Variants in CSMD3 observed in about 807,000 individuals in gnomAD.
CSMD3 encodes the protein CUB and Sushi multiple domains 3.
Under a neutral mutation model 435.2 loss-of-function variants are expected in CSMD3, and 177 were observed. The ratio of observed to expected loss-of-function variants is 0.41; its 90% CI spans 0.36 to 0.46. CSMD3 has a LOEUF of 0.46. CSMD3 is among the 20% of genes least tolerant of loss of function. The pLI, the probability that CSMD3 is intolerant of heterozygous loss-of-function variation, is 0.34. For missense variants in CSMD3, 4,265 were observed against 4,504.6 expected (o/e 0.95, Z 1.52); for synonymous variants, 1,656 against 1,520.5 (o/e 1.09, Z -2.07).
chr8:112,255,515 T>C, intron 61 of CSMD3, 88 bp from the exon 62 acceptor site: 1 of 1,138,006 alleles, frequency 8.8e-7, no homozygotes, highest in South Asian at 1.3e-5. Flanking sequence ...TCAATTTGAA[T>C]ATTGTACTAA....
At chr8:113,238,636 G>T (rs1202270439) in intron 3 of CSMD3, among the ~76,000 whole-genome samples, 1 of 152,132 alleles carries the variant, frequency 6.6e-6, no homozygotes, top group Admixed American at 6.5e-5. Flanking sequence ...GGATTCAAAA[G>T]TCTAAAGGAC....
intron 4 of CSMD3, among the ~76,000 whole-genome samples, chr8:113,131,312 G>T (rs554814271): frequency 6.6e-6 from 1 of 152,192 alleles, no homozygotes; most frequent in East Asian, 1.9e-4. Flanking sequence ...AAGAAGCCAA[G>T]GAGGAAAAAA....
chr8:113,157,037 C>A (rs201263494), intron 4 of CSMD3, among the ~76,000 whole-genome samples: 4 of 151,194 alleles, frequency 2.6e-5, no homozygotes, highest in South Asian at 4.2e-4. Flanking sequence ...CATTAGTTTA[C>A]TAACAAAAAT....
At chr8:112,644,817 T>C (rs575652920) in intron 20 of CSMD3, among the ~76,000 whole-genome samples, 123 of 152,204 alleles carry the variant, frequency 8.1e-4, no homozygotes, top group African/African-American at 2.9e-3. Flanking sequence ...ACTAAAGCCC[T>C]CTTGTTTGAG....
intron 70 of CSMD3, among the ~76,000 whole-genome samples, chr8:112,227,629 ATTATTCT>A (rs1812693334): frequency 6.6e-6 from 1 of 152,174 alleles, no homozygotes; most frequent in South Asian, 2.1e-4. Context: ...TTTAGTGATG[ATTATTCT>A]TTATCTATTA....
intron 28 of CSMD3, among the ~76,000 whole-genome samples, chr8:112,508,203 T>G (rs1822733152): frequency 6.6e-6 from 1 of 152,190 alleles, no homozygotes; most frequent in Admixed American, 6.5e-5. Context: ...CTCAGGTTTC[T>G]TTCATCTTAA....
intron 2 of CSMD3, among the ~76,000 whole-genome samples, chr8:113,297,237 T>G (rs890701444): frequency 1.3e-5 from 2 of 152,154 alleles, no homozygotes; most frequent in East Asian, 1.9e-4. Context: ...TCTCAATACC[T>G]ATCATAAAAC....
chr8:112,895,826 C>A (rs2081934765), intron 10 of CSMD3, among the ~76,000 whole-genome samples: 1 of 151,198 alleles, frequency 6.6e-6, no homozygotes, highest in Non-Finnish European at 1.5e-5. Flanking sequence ...TTTTAGGAGT[C>A]AATAGTTTGC....
intron 1 of CSMD3, among the ~76,000 whole-genome samples, chr8:113,406,702 G>T (rs1045646859): frequency 5.3e-5 from 8 of 151,940 alleles, no homozygotes; most frequent in African/African-American, 1.9e-4. Context: ...AATCTATGGG[G>T]AGAGGAGAAC....
At chr8:112,962,364 A>C (rs1258922300) in intron 7 of CSMD3, among the ~76,000 whole-genome samples, 1 of 151,888 alleles carries the variant, frequency 6.6e-6, no homozygotes, top group Non-Finnish European at 1.5e-5. Flanking sequence ...ACTCAACATA[A>C]GAAATCACTT....
chr8:112,853,523 G>GC (rs1218381432), intron 11 of CSMD3, among the ~76,000 whole-genome samples: 1 of 152,126 alleles, frequency 6.6e-6, no homozygotes, highest in Non-Finnish European at 1.5e-5. Flanking sequence ...ACCACACCTG[G>GC]CCGTTCATCC....
At chr8:112,463,744 A>G (rs73328642) in intron 32 of CSMD3, among the ~76,000 whole-genome samples, 8,820 of 152,224 alleles carry the variant, frequency 0.058, 301 homozygotes, top group East Asian at 0.12. Context: ...AGTTCAGAGA[A>G]ACAACTCTTA....
chr8:112,305,693 A>T (rs1201106883), intron 51 of CSMD3, among the ~76,000 whole-genome samples: 2 of 152,234 alleles, frequency 1.3e-5, no homozygotes, highest in East Asian at 1.9e-4. Flanking sequence ...GTCTTTAAAA[A>T]TTTTCTCAAG....
intron 13 of CSMD3, among the ~76,000 whole-genome samples, chr8:112,788,485 CT>C (rs2078609794): frequency 6.6e-6 from 1 of 152,096 alleles, no homozygotes. Flanking sequence ...TTCACCGCCT[CT>C]GGAAATCTTT....
chr8:112,554,247 G>A (rs1387812551), intron 25 of CSMD3, among the ~76,000 whole-genome samples: 1 of 151,786 alleles, frequency 6.6e-6, no homozygotes. Context: ...ATATCCTATT[G>A]GTGCTGTTTC....
Position 113,084,471 on chromosome 8 carries a change from G to T in CSMD3, c.917+14285C>A, listed in dbSNP as rs565959621. On this transcript the variant is annotated intron_variant, in intron 5 of 70. Coordinates refer to ENST00000297405, the MANE Select transcript of CSMD3 (RefSeq NM_198123.2). ...TGAAGATGACATAAACAAATGGAAAGGTATCCCATGCTCATGGATTGGAAA... is the reference window on the plus strand; with the variant it reads ...TGAAGATGACATAAACAAATGGAAATGTATCCCATGCTCATGGATTGGAAA... Among the ~76,000 whole-genome samples, 52 of 151,860 alleles carry T rather than the reference G, an allele frequency of 3.4e-4. 1 individual carries two copies. In the South Asian group the frequency reaches 0.011, roughly 31 times the overall value.
chr8:112,993,058 T>A (rs181449681), intron 6 of CSMD3, among the ~76,000 whole-genome samples: 1 of 151,774 alleles, frequency 6.6e-6, no homozygotes, highest in East Asian at 1.9e-4. Context: ...GGTTCCACAT[T>A]AAGAGTCAAG....
intron 9 of CSMD3, among the ~76,000 whole-genome samples, chr8:112,927,841 T>C (rs1303201297): frequency 6.6e-6 from 1 of 152,120 alleles, no homozygotes; most frequent in East Asian, 1.9e-4. Flanking sequence ...ATTCACACAC[T>C]TTCATATTTC....
At chr8:112,438,615 T>G (rs1167053175) in intron 32 of CSMD3, among the ~76,000 whole-genome samples, 2 of 152,162 alleles carry the variant, frequency 1.3e-5, no homozygotes, top group African/African-American at 4.8e-5. Flanking sequence ...AAAACTCTAC[T>G]GGCTTTCAAA....
Sources: allele counts gnomAD v4.1 joint callset (sites outside exome capture counted in the v4.1 genomes callset), GRCh38; gene constraint gnomAD v4.1.1; transcripts MANE v1.5; gene names NCBI Gene and HGNC (gene_info 2026-07-23, HGNC 2026-07-21).